The following HRH1 variants were observed in gnomAD, a reference collection of about 807,000 sequenced individuals.
HRH1 encodes histamine H1 receptor.
HRH1 carries 6 observed loss-of-function variants against 10.3 expected under a neutral mutation model. The ratio of observed to expected loss-of-function variants is 0.58; its 90% confidence interval spans 0.32 to 1.15. The LOEUF is 1.15. HRH1 is among the 50% of genes most tolerant of loss of function. The pLI, the probability that HRH1 is intolerant of heterozygous loss-of-function variation, is 0.05. For missense variants in HRH1, 514 were observed against 615.3 expected, an observed-to-expected ratio of 0.84 and a Z score of 1.74; for synonymous variants, 242 against 236.7, an observed-to-expected ratio of 1.02 and a Z score of -0.21.
rs1045058580 is a variant in HRH1 at position 11,154,997 on chromosome 3, G to A, written c.-36+443G>A. 3.3e-5 allele frequency among the ~76,000 whole-genome samples: 5 copies of A among 152,304 alleles called. No homozygotes were observed. The highest frequency in any genetic ancestry group is 5.9e-5 in the Non-Finnish European group (4 of 68,024). On this transcript the variant is annotated intron_variant, in intron 1 of 1. Transcript: ENST00000431010. The surrounding 1 kb of genome is among the most constrained non-coding windows in gnomAD (Gnocchi z 4.4). ...GGCATCCATTATCTGTTGCAATATT[G>A]TTATACTCATTTTACAGAGGAGGAA...
rs1414937772 is a variant in HRH1, at chr3:11,260,764, GA to G, written c.*270del. 8 of 428,666 alleles carry G rather than the reference GA, an allele frequency of 1.9e-5. No homozygotes were observed. In the East Asian group the frequency reaches 2.9e-4, roughly 16 times the overall value. 26.6% of individuals were successfully genotyped at this position (428,666 alleles called of 1,614,324 possible). On this transcript the variant is annotated 3_prime_UTR_variant, in exon 2 of 2. Transcript: ENST00000431010. ...TGTTTCTTGTAACTGGGTTCAAAAA[GA>G]AAAAAATAATAAAAATAAAAGAGAG...
chr3:11,155,194 C>A (rs1936758204), intron 1 of HRH1, among the ~76,000 whole-genome samples: 1 of 152,134 alleles, frequency 6.6e-6, no homozygotes, highest in African/African-American at 2.4e-5. Flanking sequence ...CACCACCCGC[C>A]CTTCCCCTGC....
intron 1 of HRH1, among the ~76,000 whole-genome samples, chr3:11,189,808 G>A (rs1237748988): frequency 3.3e-5 from 5 of 151,910 alleles, no homozygotes; most frequent in African/African-American, 1.2e-4. Context: ...TAAATAGCCA[G>A]GCATCATGGC....
chr3:11,151,381 C>G (rs1936617059), upstream of HRH1, among the ~76,000 whole-genome samples: 1 of 152,226 alleles, frequency 6.6e-6, no homozygotes, highest in African/African-American at 2.4e-5. Context: ...TCTGAAGCAT[C>G]TGAATCCAGG....
intron 1 of HRH1, among the ~76,000 whole-genome samples, chr3:11,224,327 G>A (rs1157541189): frequency 1.1e-4 from 16 of 152,208 alleles, no homozygotes; most frequent in Admixed American, 1.0e-3. Flanking sequence ...GTCAGGGAAA[G>A]AAGAGATACA....
At chr3:11,231,176 G>A (rs777311551) in intron 1 of HRH1, among the ~76,000 whole-genome samples, 2 of 152,158 alleles carry the variant, frequency 1.3e-5, no homozygotes, top group Admixed American at 6.5e-5. Context: ...GAATAGGACT[G>A]GTGCATTTCT....
Position 11,259,600 on chromosome 3 carries a change from C to T in HRH1, c.563C>T (p.Thr188Ile), listed in dbSNP as rs776147714. The T allele has an allele frequency of 6.2e-7, 1 of 1,614,114 alleles. No individual in the cohort carries two copies. Among genetic ancestry groups the T allele is most frequent in the Admixed American group, 1.7e-5 (1 of 60,022 alleles). Residue 188 changes from threonine to isoleucine, a missense_variant, in exon 2 of 2, where the codon ACC (threonine) becomes ATC (isoleucine). Transcript: ENST00000431010. The surrounding 1 kb of genome is among the most constrained non-coding windows in gnomAD (Gnocchi z 4.6). ...TGTGAGACAGACTTCTATGATGTCACCTGGTTCAAGGTCATGACTGCCATC... is the reference window on the plus strand; with the variant it reads ...TGTGAGACAGACTTCTATGATGTCATCTGGTTCAAGGTCATGACTGCCATC... ...DKCETDFYDVTWFKVMTAIIN... is the reference protein window; with the variant it reads ...DKCETDFYDVIWFKVMTAIIN...
chr3:11,232,842 G>A (rs554900390), intron 1 of HRH1, among the ~76,000 whole-genome samples: 9 of 152,144 alleles, frequency 5.9e-5, no homozygotes, highest in South Asian at 2.1e-4. Flanking sequence ...GTACAAGTTC[G>A]TCTGAGAATG....
chr3:11,155,737 GGAGT>G (rs1356395562), intron 1 of HRH1, among the ~76,000 whole-genome samples: 2 of 152,146 alleles, frequency 1.3e-5, no homozygotes, highest in African/African-American at 4.8e-5. Context: ...GAGCACAGAC[GGAGT>G]GTGTCCCTGG....
intron 1 of HRH1, among the ~76,000 whole-genome samples, chr3:11,190,930 G>A (rs1426968391): frequency 2.6e-5 from 4 of 152,112 alleles, no homozygotes; most frequent in Admixed American, 1.3e-4. Context: ...TGCTGCCTCC[G>A]AGGCCACACT....
At chr3:11,224,413 G>A (rs1938811517) in intron 1 of HRH1, among the ~76,000 whole-genome samples, 1 of 152,186 alleles carries the variant, frequency 6.6e-6, no homozygotes, top group Non-Finnish European at 1.5e-5. Flanking sequence ...TTGGATGTTG[G>A]AGGGCCGGGC....
At chr3:11,253,390 T>G (rs1436912943) in intron 1 of HRH1, among the ~76,000 whole-genome samples, 1 of 152,238 alleles carries the variant, frequency 6.6e-6, no homozygotes, top group Non-Finnish European at 1.5e-5. Context: ...TGACCTATTT[T>G]TCCACATTTG....
intron 1 of HRH1, among the ~76,000 whole-genome samples, chr3:11,190,372 A>C (rs1258863465): frequency 7.0e-6 from 1 of 142,372 alleles, no homozygotes; most frequent in Non-Finnish European, 1.5e-5. Flanking sequence ...TATATTTTTT[A>C]ATTAATTAAT....
In HRH1 at chr3:11,170,001, C is replaced by A. The variant is rs144112185; in HGVS notation, c.-36+15447C>A. On this transcript the variant is annotated intron_variant, in intron 1 of 1. Coordinates refer to ENST00000431010, the MANE Select transcript of HRH1 (RefSeq NM_001098212.2). ...CACAGTGTGCGACCCTTGTTAGGCC[C>A]ACCTCCCTCGCTAGGAATGCAGATT... is the stretch of plus-strand genomic sequence containing the variant. Among the ~76,000 whole-genome samples the A allele has an allele frequency of 2.7e-3, 410 of 152,284 alleles. 2 individuals are homozygous for A. Among genetic ancestry groups the A allele is most frequent in the African/African-American group, 9.3e-3 (387 of 41,566 alleles).
At chr3:11,151,701 G>C (rs139250804), upstream of HRH1, among the ~76,000 whole-genome samples, 1 of 152,006 alleles carries the variant, frequency 6.6e-6, no homozygotes, top group Non-Finnish European at 1.5e-5. Context: ...TCTCCTCCCC[G>C]TGTTTCCCAG....
chr3:11,220,755 A>G (rs1938685775), intron 1 of HRH1, among the ~76,000 whole-genome samples: 1 of 152,300 alleles, frequency 6.6e-6, no homozygotes. Context: ...AGGGTGGCCT[A>G]CCTCTCAAAG....
intron 1 of HRH1, among the ~76,000 whole-genome samples, chr3:11,169,867 AAC>A (rs1408869531): frequency 1.3e-5 from 2 of 152,102 alleles, no homozygotes; most frequent in Non-Finnish European, 2.9e-5. Flanking sequence ...GTCCTTCAAT[AAC>A]TAGATCCCTT....
At chr3:11,257,717 G>T (rs1456153350) in intron 1 of HRH1, among the ~76,000 whole-genome samples, 1 of 152,156 alleles carries the variant, frequency 6.6e-6, no homozygotes, top group Non-Finnish European at 1.5e-5. Context: ...TCAGATACAG[G>T]ATCTTGCCCT....
intron 1 of HRH1, among the ~76,000 whole-genome samples, chr3:11,198,890 C>T (rs1937782706): frequency 1.4e-5 from 2 of 144,434 alleles, no homozygotes; most frequent in Non-Finnish European, 3.0e-5. Flanking sequence ...ATTGTAAACT[C>T]TCTCTCTCTT....
Sources: gnomAD v4.1 joint callset for allele counts (sites outside exome capture counted in the v4.1 genomes callset) on GRCh38, gnomAD v4.1.1 for gene constraint, Gnocchi (gnomAD v3.1) non-coding constraint, MANE v1.5 for transcripts, NCBI Gene and HGNC (gene_info 2026-07-23, HGNC 2026-07-21) for gene names.